ZBTB7B: variants seen among roughly 807,000 people sequenced by gnomAD.
ZBTB7B encodes the protein zinc finger and BTB domain-containing protein 7B.
In ZBTB7B, 8 loss-of-function variants were observed where a neutral mutation model predicts 31.0. The observed-to-expected ratio is 0.26, with a 90% CI of 0.15 to 0.47. The LOEUF is 0.47. Among genes scored for constraint, ZBTB7B ranks in the 20% least tolerant of loss-of-function variants. The pLI is 0.99. For missense variants in ZBTB7B, 494 were observed against 742.4 expected, an observed-to-expected ratio of 0.67 and a Z score of 3.89; for synonymous variants, 261 against 307.3, an observed-to-expected ratio of 0.85 and a Z score of 1.58.
At chr1:155,014,164 CT>C in intron 1 of ZBTB7B, 1 of 883,344 alleles carries the variant, frequency 1.1e-6, no homozygotes, top group Non-Finnish European at 1.4e-6. Context: ...TGTTACCTCA[CT>C]TTTCAAATGA....
In ZBTB7B at chr1:155,014,904, G is replaced by C. The variant is rs1487513035; in HGVS notation, c.244G>C (p.Gly82Arg). The change falls in exon 2 of 3, where the codon GGG (glycine) becomes CGG (arginine). Residue 82 changes from glycine to arginine, a missense_variant. Physicochemically the swap from Gly to Arg is moderately radical, Grantham distance 125. Coordinates refer to ENST00000535420, the MANE Select transcript of ZBTB7B (RefSeq NM_001256455.2). ...MGAGGSGTAT[G>R]GAGAGVCELD... is the part of the protein sequence containing the mutation. ...GGCCGGGGGTAGCGGGACGGCCACT[G>C]GGGGAGCAGGGGCCGGTGTGTGTGA... is the stretch of plus-strand genomic sequence containing the variant. 6.2e-7 allele frequency: 1 copy of C among 1,613,950 alleles called. No homozygotes were observed. The highest frequency in any genetic ancestry group is 1.1e-5 in the South Asian group (1 of 91,086).
intron 1 of ZBTB7B, among the ~76,000 whole-genome samples, chr1:155,007,932 C>T (rs1183622249): frequency 6.6e-6 from 1 of 152,112 alleles, no homozygotes; most frequent in Non-Finnish European, 1.5e-5. Context: ...GTCTGGGGGT[C>T]ACTAGGGCAC....
chr1:155,003,810 G>T lies in ZBTB7B; in HGVS notation c.-7+867G>T, dbSNP rs1383920529. On this transcript the variant is annotated intron_variant, in intron 1 of 2. Transcript: ENST00000535420. This position sits in a 1 kb window ranked among gnomAD's most constrained non-coding sequence, Gnocchi z 5.8. ...GCTGCCATTCAAAGGGGTGGGGGGCGCTGCTTTCAATTTCCAGCTTTCTCT... is the reference window on the plus strand; with the variant it reads ...GCTGCCATTCAAAGGGGTGGGGGGCTCTGCTTTCAATTTCCAGCTTTCTCT... Among the ~76,000 whole-genome samples, 1 of 152,198 alleles carries T rather than the reference G, an allele frequency of 6.6e-6. No individual in the cohort carries two copies. The highest frequency in any genetic ancestry group is 2.4e-5 in the African/African-American group (1 of 41,452).
chr1:155,009,784 C>T (rs575572624), intron 1 of ZBTB7B, among the ~76,000 whole-genome samples: 48 of 152,194 alleles, frequency 3.2e-4, no homozygotes, highest in East Asian at 3.9e-4. Flanking sequence ...AATTCCTCTG[C>T]GGCTCTCCAC....
At position 155,003,336 on chromosome 1, in the gene ZBTB7B, A is replaced by C. The variant is rs1414951167; in HGVS notation, c.-7+393A>C. 2.8e-5 allele frequency among the ~76,000 whole-genome samples: 4 copies of C among 144,626 alleles called. No individual in the cohort carries two copies. The East Asian group carries it at 8.4e-4, about 30-fold the overall frequency. The allele number at this position is 144,626 out of a possible 152,430, so 94.9% of individuals were successfully genotyped here. A position where few individuals can be genotyped will look rare whatever the true frequency, so the allele number is the denominator to read the frequency against. ...GTTGAGGGAATGGAAACGCTGACGG[A>C]CTCTAACTAGGACAACGCGCACCCC... On this transcript the variant is annotated intron_variant, in intron 1 of 2. Coordinates refer to ENST00000535420, the MANE Select transcript of ZBTB7B (RefSeq NM_001256455.2). The surrounding 1 kb of genome is among the most constrained non-coding windows in gnomAD (Gnocchi z 5.8).
At chr1:155,001,887 C>T (rs1314109283), upstream of ZBTB7B, among the ~76,000 whole-genome samples, 1 of 152,040 alleles carries the variant, frequency 6.6e-6, no homozygotes, top group Non-Finnish European at 1.5e-5. The surrounding 1 kb of genome is among the most constrained non-coding windows in gnomAD (Gnocchi z 4.8). Flanking sequence ...GAGCCGAAGG[C>T]CTGGTGGCTC....
chr1:155,015,915 G>T, intron 2 of ZBTB7B, 101 bp downstream of exon 2: 1 of 1,430,170 alleles, frequency 7.0e-7, no homozygotes, highest in Non-Finnish European at 9.5e-7. Flanking sequence ...GTGGTAGGTG[G>T]TCCTGGAGGG....
intron 1 of ZBTB7B, chr1:155,014,098 G>A (rs774216088): frequency 7.5e-5 from 74 of 987,398 alleles, no homozygotes; most frequent in Non-Finnish European, 8.5e-5. Flanking sequence ...TCCAGTGTGA[G>A]TCTGAACTCT....
upstream of ZBTB7B, among the ~76,000 whole-genome samples, chr1:155,002,323 G>A (rs1558082361): frequency 6.7e-6 from 1 of 149,792 alleles, no homozygotes; most frequent in Non-Finnish European, 1.5e-5. Flanking sequence ...AGAGATAGGG[G>A]CAGGAGAAAG....
intron 1 of ZBTB7B, among the ~76,000 whole-genome samples, chr1:155,005,826 C>G (rs531755019): frequency 6.6e-6 from 1 of 152,292 alleles, no homozygotes; most frequent in South Asian, 2.1e-4. Flanking sequence ...TTTGCCCGGA[C>G]AGTTTGAAGT....
chr1:155,015,533 G>A lies in ZBTB7B; in HGVS notation c.873G>A (p.Ala291=), dbSNP rs551514790. 2.0e-5 allele frequency: 32 copies of A among 1,613,884 alleles called. No homozygotes were observed. In the Middle Eastern group the frequency reaches 5.0e-4, roughly 25 times the overall value. ...TATATCCCCCAGCCTATGGGCTGGC[G>A]CAGGGTGGCGGGCCCCCGCTGTCCC... ...ELVYPPAYGL[A]QGGGPPLSPE... The change falls in exon 2 of 3, where the codon GCG becomes GCA. Residue 291 remains alanine (A), a synonymous_variant. Coordinates refer to ENST00000535420, the MANE Select transcript of ZBTB7B (RefSeq NM_001256455.2).
In ZBTB7B at chr1:155,014,791, A is replaced by C; in HGVS notation, c.131A>C (p.Glu44Ala). The C allele has an allele frequency of 6.2e-7, 1 of 1,614,200 alleles. No homozygotes were observed. Among genetic ancestry groups the C allele is most frequent in the Non-Finnish European group, 8.5e-7 (1 of 1,180,020 alleles). The change falls in exon 2 of 3, where the codon GAA (glutamate) becomes GCA (alanine). Residue 44 changes from glutamate (E) to alanine (A), a missense_variant. Glu to Ala is a moderately radical substitution (Grantham distance 107). Coordinates refer to ENST00000535420, the MANE Select transcript of ZBTB7B (RefSeq NM_001256455.2). The stretch of plus-strand genomic sequence containing the variant: ...CTCACCATCCGGACGCAGGGCCTTG[A>C]ATACCGCACCCACAGGGCTGTGCTA... ...CDLTIRTQGL[E>A]YRTHRAVLAA...
At position 155,015,602 on chromosome 1, in the gene ZBTB7B, G is replaced by A; in HGVS notation, c.942G>A (p.Leu314=). ...ATGAGGATGCCATCGATCCTGACCT[G>A]ATGGCCTACCTAAGCTCCCTGCACC... The part of the protein sequence containing the change: ...GSDEDAIDPD[L]MAYLSSLHQD... The change falls in exon 2 of 3, where the codon CTG becomes CTA. Residue 314 remains leucine, a synonymous_variant. Coordinates refer to ENST00000535420, the MANE Select transcript of ZBTB7B (RefSeq NM_001256455.2). The A allele has an allele frequency of 6.2e-7, 1 of 1,613,796 alleles. No individual in the cohort carries two copies. The highest frequency in any genetic ancestry group is 8.5e-7 in the Non-Finnish European group (1 of 1,180,010).
Position 155,016,549 on chromosome 1 carries a change from G to T in ZBTB7B, c.1484G>T (p.Arg495Leu). Reference protein sequence around the residue: ...DLSNGHLDTFRLSLARFWEQS... With the variant: ...DLSNGHLDTFLLSLARFWEQS... ...TCCAATGGCCACCTGGACACCTTCC[G>T]CCTCTCTCTAGCTCGATTCTGGGAG... The change falls in exon 3 of 3, where the codon CGC becomes CTC. Residue 495 changes from arginine (R) to leucine (L), a missense_variant. By Grantham distance (102) the Arg-to-Leu change is moderately radical. Around this residue, in one of 5 missense-constraint regions of ZBTB7B, gnomAD observed 101 missense variants for 119.5 expected, o/e 0.85. Transcript: ENST00000535420. The surrounding 1 kb of genome is among the most constrained non-coding windows in gnomAD (Gnocchi z 4.3). The T allele has an allele frequency of 6.2e-7, 1 of 1,614,062 alleles. No individual in the cohort carries two copies. Among genetic ancestry groups the T allele is most frequent in the Non-Finnish European group, 8.5e-7 (1 of 1,179,948 alleles).
At position 155,018,398 on chromosome 1, in the gene ZBTB7B, T is replaced by C. The variant is rs1659622431; in HGVS notation, c.*1713T>C. ...ACAATGTGGCCTCCCTTCTCCCTAC[T>C]TTCGGCTTTCCCAGTCAGTGCCTTA... On this transcript the variant is annotated 3_prime_UTR_variant, in exon 3 of 3. Coordinates refer to ENST00000535420, the MANE Select transcript of ZBTB7B (RefSeq NM_001256455.2). 3 of 810,942 alleles carry C rather than the reference T, an allele frequency of 3.7e-6. No individual in the cohort carries two copies. The highest frequency in any genetic ancestry group is 5.7e-6 in the Non-Finnish European group (3 of 526,720). 50.2% of individuals were successfully genotyped at this position (810,942 alleles called of 1,614,324 possible). A position where few individuals can be genotyped will look rare whatever the true frequency, so the allele number is the denominator to read the frequency against.
Position 155,016,106 on chromosome 1 carries a change from T to C in ZBTB7B, c.1155-114T>C. On this transcript the variant is annotated intron_variant, in intron 2 of 2. Coordinates refer to ENST00000535420, the MANE Select transcript of ZBTB7B (RefSeq NM_001256455.2). The surrounding 1 kb of genome is among the most constrained non-coding windows in gnomAD (Gnocchi z 4.3). ...AGCAGGGTATCTCCTGGGGCAATAG[T>C]GGGGTAACAAATGGTGAGGAACAGG... 8.6e-7 allele frequency: 1 copy of C among 1,164,536 alleles called. No individual in the cohort carries two copies. 72.1% of individuals were successfully genotyped at this position (1,164,536 alleles called of 1,614,324 possible).
intron 1 of ZBTB7B, among the ~76,000 whole-genome samples, chr1:155,006,963 T>C (rs1456656741): frequency 1.3e-5 from 2 of 152,312 alleles, no homozygotes; most frequent in African/African-American, 4.8e-5. Flanking sequence ...AACCCAGAGC[T>C]TCTCAAGGGG....
rs1246740580 is a variant in ZBTB7B at position 155,004,725 on chromosome 1, T to C, written c.-7+1782T>C. ...AGCTGATGAAACAAGGAGAAATCTC[T>C]GTCAGTGCCTCTGTCCCTGGCCCCA... On this transcript the variant is annotated intron_variant, in intron 1 of 2. Transcript: ENST00000535420. The surrounding 1 kb of genome is among the most constrained non-coding windows in gnomAD (Gnocchi z 4.0). Among the ~76,000 whole-genome samples the C allele has an allele frequency of 6.6e-6, 1 of 152,090 alleles. No homozygotes were observed. The highest frequency in any genetic ancestry group is 1.5e-5 in the Non-Finnish European group (1 of 67,982).
intron 1 of ZBTB7B, among the ~76,000 whole-genome samples, chr1:155,011,419 A>T (rs903269555): frequency 6.6e-6 from 1 of 151,786 alleles, no homozygotes. Context: ...TCCCACCTTT[A>T]CCCCCTCCCA....
Sources: gnomAD v4.1 joint callset for allele counts (sites outside exome capture counted in the v4.1 genomes callset) on GRCh38, gnomAD v4.1.1 for gene constraint, gnomAD v4.1.1 regional missense constraint, Gnocchi (gnomAD v3.1) non-coding constraint, MANE v1.5 for transcripts, NCBI Gene and HGNC (gene_info 2026-07-23, HGNC 2026-07-21) for gene names.